SUCNR1: variants seen among roughly 807,000 people sequenced by gnomAD.
The protein encoded by SUCNR1 is G-protein coupled receptor 91.
SUCNR1 carries 5 observed loss-of-function variants against 2.4 expected under a neutral mutation model. The ratio of observed to expected loss-of-function variants is 2.07; its 90% CI spans 1.08 to 4.36. The LOEUF is 4.36. Among genes scored for constraint, SUCNR1 ranks in the 30% most tolerant of loss-of-function variants. The probability of loss-of-function intolerance (pLI) is 0.00; values close to 1 mark genes in which losing one functional copy is unlikely to be tolerated. For synonymous variants in SUCNR1, 162 were observed against 143.9 expected, an observed-to-expected ratio of 1.13 and a Z score of -0.90; for missense variants, 373 against 399.2, an observed-to-expected ratio of 0.93 and a Z score of 0.56.
At position 151,880,451 on chromosome 3, in the gene SUCNR1, T is replaced by TTC. The variant is rs1024398550; in HGVS notation, c.16-106_16-105dup. ...GCTTTCCTTACTGATGTAACCTACT[T>TTC]TCTATAGTTCACCATTCAAGTGTTT... On this transcript the variant is annotated intron_variant, in intron 2 of 2. Transcript: ENST00000362032. The TTC allele has an allele frequency of 5.0e-6, 4 of 801,942 alleles. No individual in the cohort carries two copies. In the African/African-American group the frequency reaches 7.0e-5, roughly 14 times the overall value. The allele number at this position is 801,942 out of a possible 1,614,324, so 49.7% of individuals were successfully genotyped here. A position where few individuals can be genotyped will look rare whatever the true frequency, so the allele number is the denominator to read the frequency against.
intron 2 of SUCNR1, 63 bp from the exon 3 acceptor site, chr3:151,880,496 G>T: frequency 8.4e-7 from 1 of 1,189,886 alleles, no homozygotes. Flanking sequence ...ATTATGTTCT[G>T]CACAGTTTTG....
intron 1 of SUCNR1, among the ~76,000 whole-genome samples, chr3:151,874,393 G>T (rs998820733): frequency 1.3e-5 from 2 of 151,554 alleles, no homozygotes; most frequent in African/African-American, 4.9e-5. Flanking sequence ...GGTCAGGTTG[G>T]TCTCAAACTC....
intron 1 of SUCNR1, among the ~76,000 whole-genome samples, chr3:151,874,573 C>A (rs1405174630): frequency 6.6e-6 from 1 of 151,952 alleles, no homozygotes; most frequent in Non-Finnish European, 1.5e-5. Context: ...AATGATATTA[C>A]CCAATAATTA....
chr3:151,882,661 A>G lies in SUCNR1; in HGVS notation c.*1113A>G, dbSNP rs1268538913. 3 of 152,164 alleles carry G rather than the reference A, an allele frequency of 2.0e-5. No individual in the cohort carries two copies. Among genetic ancestry groups the G allele is most frequent in the Admixed American group, 6.5e-5 (1 of 15,278 alleles). The allele number at this position is 152,164 out of a possible 1,614,324, so 9.4% of individuals were successfully genotyped here. On this transcript the variant is annotated 3_prime_UTR_variant, in exon 3 of 3. Transcript: ENST00000362032. ...AGCCTTGTTTTCATGCAACATTACC[A>G]TAAGACCATTGGAGTAAATGTTTCA...
rs1718098661 is a variant in SUCNR1, at chr3:151,881,523, T to G, written c.980T>G (p.Leu327Arg). ...LTSFSRWAHE[L>R]LLSFREK ...TCCTTTAGCAGATGGGCTCATGAAC[T>G]CCTACTTTCATTCAGAGAAAAGTGA... The change falls in exon 3 of 3, where the codon CTC becomes CGC. Residue 327 changes from leucine to arginine, a missense_variant. By Grantham distance (102) the Leu-to-Arg change is moderately radical. Coordinates refer to ENST00000362032, the MANE Select transcript of SUCNR1 (RefSeq NM_033050.6). 2 of 1,601,908 alleles carry G rather than the reference T, an allele frequency of 1.2e-6. No homozygotes were observed. The highest frequency in any genetic ancestry group is 1.7e-6 in the Non-Finnish European group (2 of 1,176,130).
chr3:151,880,209 A>T (rs935679071), intron 2 of SUCNR1, among the ~76,000 whole-genome samples: 2 of 152,038 alleles, frequency 1.3e-5, no homozygotes, highest in African/African-American at 4.8e-5. Context: ...TTACCTTCCC[A>T]TATGTTTTTA....
At position 151,881,014 on chromosome 3, in the gene SUCNR1, A is replaced by G; in HGVS notation, c.471A>G (p.Ile157Met). 1 of 1,614,154 alleles carries G rather than the reference A, an allele frequency of 6.2e-7. No homozygotes were observed. Among genetic ancestry groups the G allele is most frequent in the Non-Finnish European group, 8.5e-7 (1 of 1,180,014 alleles). The change falls in exon 3 of 3, where the codon ATA (isoleucine) becomes ATG (methionine). Residue 157 changes from isoleucine (I) to methionine (M), a missense_variant. Physicochemically the swap from Ile to Met is conservative, Grantham distance 10. Around this residue, in one of 3 missense-constraint regions of SUCNR1, gnomAD observed 32 missense variants for 58.3 expected, o/e 0.55. Transcript: ENST00000362032. Reference sequence around the variant, plus strand: ...TAGTAACCTTAGAGTTACTACCCATACTTCCCCTTATAAATCCTGTTATAA... The same window carrying G: ...TAGTAACCTTAGAGTTACTACCCATGCTTCCCCTTATAAATCCTGTTATAA... ...WVLVTLELLPILPLINPVITD... is the reference protein window; with the variant it reads ...WVLVTLELLPMLPLINPVITD...
chr3:151,878,043 A>C (rs1717974341), intron 1 of SUCNR1, among the ~76,000 whole-genome samples: 1 of 152,174 alleles, frequency 6.6e-6, no homozygotes, highest in South Asian at 2.1e-4. Context: ...CAGAAGACAG[A>C]GTATGAAAAA....
rs1052813986 is a variant in SUCNR1 at position 151,883,482 on chromosome 3, ATATATATATATATATATATATATG to A, written c.*1937_*1960del. 7.4e-5 allele frequency: 10 copies of A among 135,082 alleles called. 1 individual carries two copies. The highest frequency in any genetic ancestry group is 2.5e-4 in the African/African-American group (9 of 35,696). The allele number at this position is 135,082 out of a possible 1,614,324, so 8.4% of individuals were successfully genotyped here. A position where few individuals can be genotyped will look rare whatever the true frequency, so the allele number is the denominator to read the frequency against. ...TAAACTCACATATATATATATATAT[ATATATATATATATATATATATATG>A]TACCTTGTAAACAAGAGGTTAAGAA... On this transcript the variant is annotated 3_prime_UTR_variant, in exon 3 of 3. Coordinates refer to ENST00000362032, the MANE Select transcript of SUCNR1 (RefSeq NM_033050.6).
chr3:151,879,939 ATCT>A (rs1718038298), intron 2 of SUCNR1, 32 bp downstream of exon 2: 28 of 1,528,614 alleles, frequency 1.8e-5, no homozygotes, highest in African/African-American at 4.2e-5. Context: ...TGAATTCAAA[ATCT>A]TCTCTTCAAT....
intron 1 of SUCNR1, among the ~76,000 whole-genome samples, chr3:151,876,365 T>TA (rs1251035682): frequency 2.0e-5 from 3 of 151,816 alleles, no homozygotes; most frequent in African/African-American, 7.2e-5. Flanking sequence ...ACCATTGAGC[T>TA]AAAAAAAATA....
rs1259369869 is a variant in SUCNR1 at position 151,883,606 on chromosome 3, G to A, written c.*2058G>A. On this transcript the variant is annotated 3_prime_UTR_variant, in exon 3 of 3. Coordinates refer to ENST00000362032, the MANE Select transcript of SUCNR1 (RefSeq NM_033050.6). ...GTAACTTAATCTTTAACAGACTTTAGGGCCCTAAACTAAAATTATAAGAGC... is the reference window on the plus strand; with the variant it reads ...GTAACTTAATCTTTAACAGACTTTAAGGCCCTAAACTAAAATTATAAGAGC... 6.7e-6 allele frequency: 1 copy of A among 149,936 alleles called. No homozygotes were observed. Among genetic ancestry groups the A allele is most frequent in the Non-Finnish European group, 1.5e-5 (1 of 67,526 alleles). 9.3% of individuals were successfully genotyped at this position (149,936 alleles called of 1,614,324 possible). A position where few individuals can be genotyped will look rare whatever the true frequency, so the allele number is the denominator to read the frequency against.
Position 151,878,717 on chromosome 3 carries a change from C to T in SUCNR1, c.-41-1135C>T, listed in dbSNP as rs571797042. On this transcript the variant is annotated intron_variant, in intron 1 of 2. Transcript: ENST00000362032. Reference sequence around the variant, plus strand: ...AGTGGCAGGTTGCCATAGAGAGATTCGAGAGACTCCGAAAAATGTATAATG... The same window carrying T: ...AGTGGCAGGTTGCCATAGAGAGATTTGAGAGACTCCGAAAAATGTATAATG... Among the ~76,000 whole-genome samples the T allele has an allele frequency of 3.4e-3, 520 of 152,042 alleles. 1 individual carries two copies. The highest frequency in any genetic ancestry group is 6.1e-3 in the Non-Finnish European group (414 of 67,970).
At chr3:151,878,807 T>C (rs764290202) in intron 1 of SUCNR1, among the ~76,000 whole-genome samples, 21 of 152,212 alleles carry the variant, frequency 1.4e-4, no homozygotes, top group Non-Finnish European at 2.5e-4. Context: ...ATTCTGTGAC[T>C]TATTTTCATA....
At position 151,881,418 on chromosome 3, in the gene SUCNR1, C is replaced by T. The variant is rs768908503; in HGVS notation, c.875C>T (p.Pro292Leu). 18 of 1,614,056 alleles carry T rather than the reference C, an allele frequency of 1.1e-5. No individual in the cohort carries two copies. The highest frequency in any genetic ancestry group is 1.4e-5 in the Non-Finnish European group (17 of 1,180,032). ...GCCTTTCTGAACAGTGTCATCAACCCTGTCTTCTATTTTCTTTTGGGAGAT... is the reference window on the plus strand; with the variant it reads ...GCCTTTCTGAACAGTGTCATCAACCTTGTCTTCTATTTTCTTTTGGGAGAT... ...PLAFLNSVIN[P>L]VFYFLLGDHF... is the part of the protein sequence containing the mutation. Residue 292 changes from proline to leucine, a missense_variant, in exon 3 of 3, where the codon CCT becomes CTT. This residue lies in a region of SUCNR1 where 157 missense variants were observed against 178.7 expected (regional missense o/e 0.88). Transcript: ENST00000362032.
chr3:151,883,988 G>A lies in SUCNR1; in HGVS notation c.*2440G>A, dbSNP rs1420481829. 1 of 152,130 alleles carries A rather than the reference G, an allele frequency of 6.6e-6. No homozygotes were observed. Among genetic ancestry groups the A allele is most frequent in the Non-Finnish European group, 1.5e-5 (1 of 68,014 alleles). 9.4% of individuals were successfully genotyped at this position (152,130 alleles called of 1,614,324 possible). ...ACAACTTTCAAGGTTCATCTCATCT[G>A]TCATTCTTTGTTGAAGCTTGCCCTT... is the stretch of plus-strand genomic sequence containing the variant. On this transcript the variant is annotated 3_prime_UTR_variant, in exon 3 of 3. Coordinates refer to ENST00000362032, the MANE Select transcript of SUCNR1 (RefSeq NM_033050.6).
At chr3:151,877,611 T>C (rs1717962921) in intron 1 of SUCNR1, among the ~76,000 whole-genome samples, 1 of 152,144 alleles carries the variant, frequency 6.6e-6, no homozygotes, top group Non-Finnish European at 1.5e-5. Flanking sequence ...TTTGAGGATA[T>C]TGCTTAGATT....
At chr3:151,879,146 TAA>T (rs1355527088) in intron 1 of SUCNR1, among the ~76,000 whole-genome samples, 1 of 152,214 alleles carries the variant, frequency 6.6e-6, no homozygotes, top group East Asian at 1.9e-4. Context: ...TTTTTTCAGA[TAA>T]TTAAAGTTCT....
intron 1 of SUCNR1, among the ~76,000 whole-genome samples, chr3:151,877,193 A>G (rs1233105077): frequency 6.6e-6 from 1 of 152,186 alleles, no homozygotes; most frequent in African/African-American, 2.4e-5. Context: ...AAGAGCAGGA[A>G]GAAAGGAAGA....
Sources: allele counts gnomAD v4.1 joint callset (sites outside exome capture counted in the v4.1 genomes callset), GRCh38; gene constraint gnomAD v4.1.1; regional missense constraint gnomAD v4.1.1; transcripts MANE v1.5; gene names NCBI Gene and HGNC (gene_info 2026-07-23, HGNC 2026-07-21).